The following ENTPD2 variants were observed in gnomAD, a reference collection of about 807,000 sequenced individuals.
ENTPD2 encodes ectonucleoside triphosphate diphosphohydrolase 2, also known as CD39 antigen-like 1.
In ENTPD2, 48 loss-of-function variants were observed where a neutral mutation model predicts 46.8. The ratio of observed to expected loss-of-function variants is 1.03; its 90% CI spans 0.81 to 1.30. The LOEUF (loss-of-function observed/expected upper bound fraction) is 1.30, where lower values mean the gene tolerates loss of function less well. Ranked by LOEUF, ENTPD2 falls within the 50% of genes most tolerant of loss-of-function variation. The pLI is 0.00. For missense variants in ENTPD2, 707 were observed against 651.1 expected, an observed-to-expected ratio of 1.09 and a Z score of -0.93; for synonymous variants, 316 against 286.1, an observed-to-expected ratio of 1.10 and a Z score of -1.06.
At chr9:137,052,374 C>T in intron 1 of ENTPD2, 26 bp from the exon 2 acceptor site, 1 of 1,420,598 alleles carries the variant, frequency 7.0e-7, no homozygotes, top group Non-Finnish European at 9.9e-7. Context: ...AGGGAGTCAG[C>T]CTGGGGTGTC....
At chr9:137,049,673 A>C in intron 7 of ENTPD2, 197 bp downstream of exon 7, 1 of 598,406 alleles carries the variant, frequency 1.7e-6, no homozygotes, top group Admixed American at 3.5e-5. Context: ...GGGCCTGGCG[A>C]AGCTTCTCCA....
intron 1 of ENTPD2, chr9:137,052,853 C>T (rs1274795824): frequency 6.5e-6 from 1 of 153,354 alleles, no homozygotes; most frequent in African/African-American, 2.4e-5. Context: ...TCCACCGAGG[C>T]TGGCCGTGGG....
At position 137,053,806 on chromosome 9, in the gene ENTPD2, C is replaced by G. The variant is rs1832348348; in HGVS notation, c.117+75G>C. ...TCCCGGGCTGATCCTGCTCAGGTTC[C>G]CAGCCGCACCCCCTCCCCGGCTCCA... On this transcript the variant is annotated intron_variant, in intron 1 of 8. Coordinates refer to ENST00000355097, the MANE Select transcript of ENTPD2 (RefSeq NM_203468.3). 4.8e-6 allele frequency: 5 copies of G among 1,036,290 alleles called. 1 individual carries two copies. In the South Asian group the frequency reaches 2.4e-4, roughly 50 times the overall value. 64.2% of individuals were successfully genotyped at this position (1,036,290 alleles called of 1,614,324 possible).
rs1156594863 is a variant in ENTPD2 at position 137,052,360 on chromosome 9, G to GGGGA, written c.118-16_118-13dup. On this transcript the variant is annotated splice_polypyrimidine_tract_variant and intron_variant, in intron 1 of 8. Transcript: ENST00000355097. ...AGGACGATGCCATACTGCGGGGGAG[G>GGGGA]GGGAGGGAGTCAGCCTGGGGTGTCC... 1.4e-6 allele frequency: 2 copies of GGGGA among 1,454,126 alleles called. No individual in the cohort carries two copies. Among genetic ancestry groups the GGGGA allele is most frequent in the African/African-American group, 2.8e-5 (2 of 71,378 alleles). The allele number at this position is 1,454,126 out of a possible 1,614,324, so 90.1% of individuals were successfully genotyped here.
rs376669519 is a variant in ENTPD2 at position 137,049,902 on chromosome 9, C to G, written c.1117G>C (p.Ala373Pro). The stretch of plus-strand genomic sequence containing the variant: ...CAGGTCTGGTTGCAGACATTCACTG[C>G]GGCTGCCTCCAGCTGCTGCAGGGTG... Reference protein sequence around the residue: ...VATLQQLEAAAVNVCNQTWAQ... With the variant: ...VATLQQLEAAPVNVCNQTWAQ... The change falls in exon 7 of 9, where the codon GCA becomes CCA. Residue 373 changes from alanine (A) to proline (P), a missense_variant. Physicochemically the swap from Ala to Pro is conservative, Grantham distance 27. Transcript: ENST00000355097. 5 of 1,612,202 alleles carry G rather than the reference C, an allele frequency of 3.1e-6. No homozygotes were observed. The highest frequency in any genetic ancestry group is 1.7e-4 in the Middle Eastern group (1 of 5,966).
intron 5 of ENTPD2, 71 bp downstream of exon 5, chr9:137,050,831 G>A (rs1832272808): frequency 1.0e-5 from 16 of 1,538,492 alleles, no homozygotes; most frequent in Non-Finnish European, 1.2e-5. Context: ...GCCTTCCACA[G>A]CACAGTGGCT....
intron 5 of ENTPD2, 109 bp downstream of exon 5, chr9:137,050,793 C>G (rs1414643732): frequency 1.7e-5 from 24 of 1,399,884 alleles, no homozygotes; most frequent in Non-Finnish European, 2.3e-5. Flanking sequence ...ACCTGTCTTT[C>G]CAGCCAATTA....
At chr9:137,052,489 GAGGAGGCC>G (rs1309592189) in intron 1 of ENTPD2, 141 bp from the exon 2 acceptor site, 1 of 656,408 alleles carries the variant, frequency 1.5e-6, no homozygotes, top group East Asian at 2.8e-5. Context: ...CTGAAGCTCA[GAGGAGGCC>G]AGGGCCTCCT....
intron 1 of ENTPD2, chr9:137,053,340 G>A (rs1207901184): frequency 1.3e-5 from 2 of 152,408 alleles, no homozygotes; most frequent in Non-Finnish European, 2.9e-5. Context: ...ACCTTTTGAG[G>A]ACCGGCCAGG....
intron 1 of ENTPD2, among the ~76,000 whole-genome samples, chr9:137,053,578 C>T (rs1389493985): frequency 6.6e-6 from 1 of 152,230 alleles, no homozygotes; most frequent in Non-Finnish European, 1.5e-5. Flanking sequence ...CATCGCTGGG[C>T]TATCCCGGGA....
Position 137,048,671 on chromosome 9 carries a change from G to A in ENTPD2, c.1474C>T (p.Pro492Ser), listed in dbSNP as rs768928494. ...LLRQVHSAKL[P>S]STI ...CCCGTCGGCCCCTAAATGGTGCTTG[G>A]CAGCTTGGCGGAGTGCACCTGACGC... The change falls in exon 9 of 9, where the codon CCA becomes TCA. Residue 492 changes from proline (P) to serine (S), a missense_variant. Transcript: ENST00000355097. 1.3e-6 allele frequency: 2 copies of A among 1,596,294 alleles called. No homozygotes were observed. Among genetic ancestry groups the A allele is most frequent in the Non-Finnish European group, 1.7e-6 (2 of 1,172,792 alleles).
In ENTPD2 at chr9:137,051,075, C is replaced by T. The variant is rs757870499; in HGVS notation, c.601G>A (p.Asp201Asn). The T allele has an allele frequency of 6.2e-7, 1 of 1,612,878 alleles. No homozygotes were observed. The highest frequency in any genetic ancestry group is 8.5e-7 in the Non-Finnish European group (1 of 1,180,010). ...ATCTGGGTAGAGGCACCCCCCAGGT[C>T]CATGGCCCCCAGTGTCCCCTTCCGT... ...RPRKGTLGAMDLGGASTQITF... is the reference protein window; with the variant it reads ...RPRKGTLGAMNLGGASTQITF... Residue 201 changes from aspartate (D) to asparagine (N), a missense_variant, in exon 5 of 9, where the codon GAC becomes AAC. Coordinates refer to ENST00000355097, the MANE Select transcript of ENTPD2 (RefSeq NM_203468.3).
At position 137,051,715 on chromosome 9, in the gene ENTPD2, C is replaced by T. The variant is rs1234407924; in HGVS notation, c.236-55G>A. 1.0e-5 allele frequency: 16 copies of T among 1,523,872 alleles called. No homozygotes were observed. In the South Asian group the frequency reaches 1.1e-4, roughly 11 times the overall value. The allele number at this position is 1,523,872 out of a possible 1,614,324, so 94.4% of individuals were successfully genotyped here. On this transcript the variant is annotated intron_variant, in intron 2 of 8. Coordinates refer to ENST00000355097, the MANE Select transcript of ENTPD2 (RefSeq NM_203468.3). ...CCTCACGGGCAGCCCCTAGGTGGGC[C>T]GTAGGCCAGGAGAGTGAGGGTGGGG...
rs1288587132 is a variant in ENTPD2 at position 137,053,989 on chromosome 9, C to T, written c.9G>A (p.Gly3=). 4.1e-5 allele frequency: 50 copies of T among 1,205,142 alleles called. No homozygotes were observed. Among genetic ancestry groups the T allele is most frequent in the Admixed American group, 1.3e-4 (3 of 23,058 alleles). The allele number at this position is 1,205,142 out of a possible 1,614,324, so 74.7% of individuals were successfully genotyped here. ...GCGGCGGCAGCAGTGACCGCACCTT[C>T]CCGGCCATGGGCGGGCGGGCGCGCG... The part of the protein sequence containing the change: MA[G]KVRSLLPPLL... The change falls in exon 1 of 9, where the codon GGG becomes GGA. Residue 3 remains glycine (G), a synonymous_variant. Coordinates refer to ENST00000355097, the MANE Select transcript of ENTPD2 (RefSeq NM_203468.3).
chr9:137,050,673 T>C (rs1832266832), intron 5 of ENTPD2, 135 bp from the exon 6 acceptor site: 9 of 1,398,364 alleles, frequency 6.4e-6, no homozygotes, highest in East Asian at 2.5e-5. Flanking sequence ...CACTGCCTGC[T>C]TGACAGATCC....
In ENTPD2 at chr9:137,048,956, C is replaced by T; in HGVS notation, c.1269G>A (p.Val423=). ...CCCAGCCCACCTTCTTCTGGAAGAT[C>T]ACGCCGCCGAAGGCGCGCTCGTCGA... is the stretch of plus-strand genomic sequence containing the variant. ...YGFDERAFGG[V]IFQKKAADTA... The change falls in exon 8 of 9, where the codon GTG becomes GTA. Residue 423 remains valine, a synonymous_variant. Transcript: ENST00000355097. 7 of 1,492,168 alleles carry T rather than the reference C, an allele frequency of 4.7e-6. No homozygotes were observed. Among genetic ancestry groups the T allele is most frequent in the Non-Finnish European group, 6.3e-6 (7 of 1,110,680 alleles). 92.4% of individuals were successfully genotyped at this position (1,492,168 alleles called of 1,614,324 possible).
Position 137,050,321 on chromosome 9 carries a change from T to C in ENTPD2, c.992A>G (p.Asn331Ser). 1.2e-6 allele frequency: 2 copies of C among 1,611,422 alleles called. No individual in the cohort carries two copies. The highest frequency in any genetic ancestry group is 8.5e-7 in the Non-Finnish European group (1 of 1,179,058). ...SSCPFSRCSF[N>S]GVFQPPVAGN... ...AGCCACTGGGGGCTGGAAGACCCCA[T>C]TGAAAGAGCATCGGGAGAAGGGGCA... Residue 331 changes from asparagine to serine, a missense_variant, in exon 6 of 9, where the codon AAT becomes AGT. By Grantham distance (46) the Asn-to-Ser change is conservative. Coordinates refer to ENST00000355097, the MANE Select transcript of ENTPD2 (RefSeq NM_203468.3).
rs746883420 is a variant in ENTPD2 at position 137,051,637 on chromosome 9, C to G, written c.259G>C (p.Asp87His). 3.7e-6 allele frequency: 6 copies of G among 1,611,902 alleles called. No individual in the cohort carries two copies. In the African/African-American group the frequency reaches 5.3e-5, roughly 14 times the overall value. The change falls in exon 3 of 9, where the codon GAC becomes CAC. Residue 87 changes from aspartate (D) to histidine (H), a missense_variant. Physicochemically the swap from Asp to His is moderately conservative, Grantham distance 81. Coordinates refer to ENST00000355097, the MANE Select transcript of ENTPD2 (RefSeq NM_203468.3). ...VPGGGISSYADNPSGASQSLV... is the reference protein window; with the variant it reads ...VPGGGISSYAHNPSGASQSLV... ...CTCTGGCTGGCCCCAGAAGGGTTGT[C>G]TGCATAGCTGGAGATGCCCCCACCT...
chr9:137,051,671 G>A lies in ENTPD2; in HGVS notation c.236-11C>T. ...TGGAGATGCCCCCACCTAGAGGGAG[G>A]CAGAGAGATGAGCCTATGCCTCACG... On this transcript the variant is annotated splice_polypyrimidine_tract_variant and intron_variant, in intron 2 of 8. Transcript: ENST00000355097. 1 of 1,604,546 alleles carries A rather than the reference G, an allele frequency of 6.2e-7. No individual in the cohort carries two copies. The highest frequency in any genetic ancestry group is 8.5e-7 in the Non-Finnish European group (1 of 1,175,986).
Sources: gnomAD v4.1 joint callset for allele counts (sites outside exome capture counted in the v4.1 genomes callset) on GRCh38, gnomAD v4.1.1 for gene constraint, MANE v1.5 for transcripts, NCBI Gene and HGNC (gene_info 2026-07-23, HGNC 2026-07-21) for gene names.